Variants in SLC7A14 observed in about 807,000 individuals in gnomAD.
The protein encoded by SLC7A14 is solute carrier family 7 member 14.
Under a neutral mutation model 60.2 loss-of-function variants are expected in SLC7A14, and 37 were observed. The ratio of observed to expected loss-of-function variants is 0.61; its 90% CI spans 0.47 to 0.81. The LOEUF is 0.81. SLC7A14 is among the 30% of genes least tolerant of loss of function. The pLI, the probability that SLC7A14 is intolerant of heterozygous loss-of-function variation, is 0.00. For synonymous variants in SLC7A14, 399 were observed against 395.8 expected, an observed-to-expected ratio of 1.01 and a Z score of -0.10; for missense variants, 886 against 982.7, an observed-to-expected ratio of 0.90 and a Z score of 1.32.
intron 7 of SLC7A14, among the ~76,000 whole-genome samples, chr3:170,478,427 GT>G (rs34441171): frequency 0.48 from 73,157 of 151,940 alleles, 19,480 homozygotes; most frequent in Non-Finnish European, 0.6. Flanking sequence ...TGATGAGTCA[GT>G]GGGGTCCTCT....
rs1020314255 is a variant in SLC7A14, at chr3:170,466,857, G to A, written c.*198C>T. The stretch of plus-strand genomic sequence containing the variant: ...TTTATTTTATTTAACAAGGCGACCA[G>A]TTAGGGGACCCAGGTTAAGCCCTTC... On this transcript the variant is annotated 3_prime_UTR_variant, in exon 8 of 8. Coordinates refer to ENST00000231706, the MANE Select transcript of SLC7A14 (RefSeq NM_020949.3). 3 of 537,566 alleles carry A rather than the reference G, an allele frequency of 5.6e-6. No individual in the cohort carries two copies. Among genetic ancestry groups the A allele is most frequent in the Admixed American group, 3.6e-5 (1 of 27,480 alleles). 33.3% of individuals were successfully genotyped at this position (537,566 alleles called of 1,614,324 possible).
Position 170,464,329 on chromosome 3 carries a change from C to T in SLC7A14, c.*2726G>A, listed in dbSNP as rs930939005. 1 of 152,158 alleles carries T rather than the reference C, an allele frequency of 6.6e-6. No homozygotes were observed. The highest frequency in any genetic ancestry group is 1.5e-5 in the Non-Finnish European group (1 of 68,034). The allele number at this position is 152,158 out of a possible 1,614,324, so 9.4% of individuals were successfully genotyped here. A position where few individuals can be genotyped will look rare whatever the true frequency, so the allele number is the denominator to read the frequency against. ...TAAAATGTAGGTCTTCCTTGGACTC[C>T]CTTCAAGGGGCAAAGTTTCTAAGAT... On this transcript the variant is annotated 3_prime_UTR_variant, in exon 8 of 8. Transcript: ENST00000231706.
intron 2 of SLC7A14, among the ~76,000 whole-genome samples, chr3:170,525,504 G>A (rs1458434476): frequency 2.6e-5 from 4 of 152,202 alleles, no homozygotes; most frequent in Non-Finnish European, 5.9e-5. Context: ...AAATCTCCTG[G>A]CCTGGCTTCC....
Position 170,526,980 on chromosome 3 carries a change from G to GTCA in SLC7A14, c.-45_-44insTGA. 6.4e-7 allele frequency: 1 copy of GTCA among 1,570,164 alleles called. No homozygotes were observed. The highest frequency in any genetic ancestry group is 8.6e-7 in the Non-Finnish European group (1 of 1,158,314). The stretch of plus-strand genomic sequence containing the variant: ...CAGTGAAGGTCAGCTGATGGAAGGG[G>GTCA]GCTACAAAGCCTTAGTGGATGGTTC... On this transcript the variant is annotated 5_prime_UTR_variant, in exon 2 of 8. Coordinates refer to ENST00000231706, the MANE Select transcript of SLC7A14 (RefSeq NM_020949.3).
intron 7 of SLC7A14, among the ~76,000 whole-genome samples, chr3:170,472,251 T>A (rs1362000028): frequency 6.7e-6 from 1 of 150,306 alleles, no homozygotes; most frequent in Non-Finnish European, 1.5e-5. Flanking sequence ...GCACTGGTAA[T>A]CCAGCTACAT....
At chr3:170,502,434 T>C (rs1398884133) in intron 2 of SLC7A14, among the ~76,000 whole-genome samples, 1 of 152,200 alleles carries the variant, frequency 6.6e-6, no homozygotes, top group Non-Finnish European at 1.5e-5. Context: ...ATTAAGAACA[T>C]ACCAAACTTC....
chr3:170,459,586 CTTT>C lies in SLC7A14; in HGVS notation c.*7466_*7468del, dbSNP rs937083767. ...AAATTTTATTAGTCGATTAGCTGTA[CTTT>C]TTAAAATGTTTTATTCTGAAAATGA... On this transcript the variant is annotated 3_prime_UTR_variant, in exon 8 of 8. Coordinates refer to ENST00000231706, the MANE Select transcript of SLC7A14 (RefSeq NM_020949.3). 1 of 152,166 alleles carries C rather than the reference CTTT, an allele frequency of 6.6e-6. No homozygotes were observed. Among genetic ancestry groups the C allele is most frequent in the Admixed American group, 6.5e-5 (1 of 15,286 alleles). The allele number at this position is 152,166 out of a possible 1,614,324, so 9.4% of individuals were successfully genotyped here.
intron 1 of SLC7A14, among the ~76,000 whole-genome samples, chr3:170,546,746 C>G (rs966310383): frequency 7.2e-5 from 11 of 152,086 alleles, no homozygotes; most frequent in African/African-American, 2.7e-4. Flanking sequence ...GACAGCTTGC[C>G]TTAGAGGGTG....
intron 7 of SLC7A14, among the ~76,000 whole-genome samples, chr3:170,472,582 G>A (rs1388051280): frequency 6.6e-6 from 1 of 151,902 alleles, no homozygotes; most frequent in Non-Finnish European, 1.5e-5. Flanking sequence ...TCGCTAACAC[G>A]GTGAAACCCC....
intron 4 of SLC7A14, among the ~76,000 whole-genome samples, chr3:170,487,417 G>A (rs1712070457): frequency 6.6e-6 from 1 of 151,718 alleles, no homozygotes; most frequent in South Asian, 2.1e-4. Context: ...TGTGTGTATG[G>A]GGTGAGGGAA....
intron 1 of SLC7A14, among the ~76,000 whole-genome samples, chr3:170,534,910 T>C (rs1176047567): frequency 2.0e-5 from 3 of 152,234 alleles, no homozygotes; most frequent in Non-Finnish European, 4.4e-5. Context: ...TCTGTGTATA[T>C]ATTTGTTGGA....
At chr3:170,496,809 G>A (rs551909876) in intron 4 of SLC7A14, among the ~76,000 whole-genome samples, 1 of 152,198 alleles carries the variant, frequency 6.6e-6, no homozygotes, top group East Asian at 1.9e-4. Flanking sequence ...GCTCCGCCAG[G>A]GCCATGGTTG....
intron 1 of SLC7A14, among the ~76,000 whole-genome samples, chr3:170,573,605 A>G (rs1715008058): frequency 6.6e-6 from 1 of 152,202 alleles, no homozygotes; most frequent in Admixed American, 6.5e-5. Context: ...ATAATACCCT[A>G]AGGAAGATGG....
At chr3:170,478,725 AT>A (rs955083955) in intron 7 of SLC7A14, among the ~76,000 whole-genome samples, 1 of 152,174 alleles carries the variant, frequency 6.6e-6, no homozygotes, top group Non-Finnish European at 1.5e-5. Flanking sequence ...TTTAAGAAGT[AT>A]TTTTGAGCAC....
chr3:170,495,861 A>G (rs1712375084), intron 4 of SLC7A14: 1 of 1,241,570 alleles, frequency 8.1e-7, no homozygotes, highest in East Asian at 2.3e-5. Context: ...TGAGAGCTAC[A>G]TGAACAACCT....
intron 2 of SLC7A14, among the ~76,000 whole-genome samples, chr3:170,503,635 T>C (rs1443467209): frequency 2.0e-5 from 3 of 152,238 alleles, no homozygotes; most frequent in Non-Finnish European, 4.4e-5. Context: ...ACAAGATTTA[T>C]AAGTAAAATC....
At chr3:170,479,135 A>C (rs1711728368) in intron 7 of SLC7A14, among the ~76,000 whole-genome samples, 1 of 140,854 alleles carries the variant, frequency 7.1e-6, no homozygotes, top group Non-Finnish European at 1.6e-5. Context: ...AACAACAAAC[A>C]AAACAAAACA....
At chr3:170,473,843 C>CT in intron 7 of SLC7A14, among the ~76,000 whole-genome samples, 1 of 152,328 alleles carries the variant, frequency 6.6e-6, no homozygotes, top group South Asian at 2.1e-4. Flanking sequence ...AGTCATGCTA[C>CT]TTTATGTCTC....
chr3:170,510,397 AAAAT>A (rs1553869058), intron 2 of SLC7A14, among the ~76,000 whole-genome samples: 44 of 143,986 alleles, frequency 3.1e-4, no homozygotes, highest in Middle Eastern at 3.6e-3. Flanking sequence ...CAAAAAAAAA[AAAAT>A]AAATAAATAA....
Sources: gnomAD v4.1 joint callset for allele counts (sites outside exome capture counted in the v4.1 genomes callset) on GRCh38, gnomAD v4.1.1 for gene constraint, MANE v1.5 for transcripts, NCBI Gene and HGNC (gene_info 2026-07-23, HGNC 2026-07-21) for gene names.